Variants in CACUL1 observed in about 807,000 individuals in gnomAD.
CACUL1 encodes the protein CDK2-associated and cullin domain-containing protein 1.
Under a neutral mutation model 45.2 loss-of-function variants are expected in CACUL1, and 13 were observed. That is an observed-to-expected ratio of 0.29 (90% CI 0.19 to 0.46). The LOEUF (loss-of-function observed/expected upper bound fraction) is 0.46, where lower values mean the gene tolerates loss of function less well. Among genes scored for constraint, CACUL1 ranks in the 20% least tolerant of loss-of-function variants. The pLI is 1.00. For missense variants in CACUL1, 421 were observed against 471.4 expected (o/e 0.89, Z 0.99); for synonymous variants, 197 against 174.2 (o/e 1.13, Z -1.03).
chr10:118,692,827 G>A (rs745475411), intron 6 of CACUL1: 20 of 152,288 alleles, frequency 1.3e-4, no homozygotes, highest in Admixed American at 4.6e-4. Flanking sequence ...TTAATAAAAC[G>A]TCTAACAGGA....
At chr10:118,741,047 A>G (rs188700177) in intron 1 of CACUL1, among the ~76,000 whole-genome samples, 250 of 152,336 alleles carry the variant, frequency 1.6e-3, no homozygotes, top group African/African-American at 5.5e-3. Flanking sequence ...TAAATTAAGC[A>G]GTAACAATAT....
intron 3 of CACUL1, among the ~76,000 whole-genome samples, chr10:118,718,263 C>T (rs917638409): frequency 7.9e-5 from 12 of 152,130 alleles, no homozygotes; most frequent in Admixed American, 7.9e-4. Flanking sequence ...GCACAGGAAA[C>T]TTGCTTACTC....
At chr10:118,731,341 A>G (rs1845695954) in intron 1 of CACUL1, among the ~76,000 whole-genome samples, 1 of 152,214 alleles carries the variant, frequency 6.6e-6, no homozygotes, top group South Asian at 2.1e-4. Context: ...ACTGTCAGAG[A>G]TACCAGGTAA....
rs752559881 is a variant in CACUL1 at position 118,691,270 on chromosome 10, A to G, written c.1020T>C (p.Phe340=). The change falls in exon 7 of 9, where the codon TTT becomes TTC. Residue 340 remains phenylalanine, a synonymous_variant. Coordinates refer to ENST00000369151, the MANE Select transcript of CACUL1 (RefSeq NM_153810.5). ...KFQRELIQNG[F]TRGDQSRKRA... ...AGGAAAAAAAAACAACTTGCCTTGT[A>G]AAACCATTCTGTATAAGTTCTCTTT... The G allele has an allele frequency of 1.2e-6, 2 of 1,610,118 alleles. No individual in the cohort carries two copies. Among genetic ancestry groups the G allele is most frequent in the Non-Finnish European group, 1.7e-6 (2 of 1,178,742 alleles).
chr10:118,711,971 C>A (rs532263476), intron 3 of CACUL1, among the ~76,000 whole-genome samples: 46 of 152,146 alleles, frequency 3.0e-4, no homozygotes, highest in Non-Finnish European at 6.3e-4. Flanking sequence ...CACTCTAGGC[C>A]CCATTGGGGA....
chr10:118,728,743 A>G (rs1310678392), intron 3 of CACUL1, among the ~76,000 whole-genome samples: 2 of 152,154 alleles, frequency 1.3e-5, no homozygotes, highest in African/African-American at 4.8e-5. Context: ...CAAGCACTGA[A>G]GGTTTACTGA....
rs963017012 is a variant in CACUL1 at position 118,740,028 on chromosome 10, TC to T, written c.368-9619del. Among the ~76,000 whole-genome samples the T allele has an allele frequency of 3.2e-4, 49 of 152,180 alleles. 1 individual carries two copies. The highest frequency in any genetic ancestry group is 1.1e-3 in the African/African-American group (45 of 41,526). The stretch of plus-strand genomic sequence containing the variant: ...TGGGTGTGGTGGCATGCGCCTATAA[TC>T]CCAGCTACTCAGGAGACTGAGGTGG... On this transcript the variant is annotated intron_variant, in intron 1 of 8. Coordinates refer to ENST00000369151, the MANE Select transcript of CACUL1 (RefSeq NM_153810.5).
At chr10:118,686,725 T>C (rs1005115021) in intron 7 of CACUL1, 84 bp from the exon 8 acceptor site, 7 of 980,846 alleles carry the variant, frequency 7.1e-6, no homozygotes, top group African/African-American at 4.8e-5. Flanking sequence ...AATAAAAGTA[T>C]AGCAGACATT....
At chr10:118,740,053 G>T (rs1425628333) in intron 1 of CACUL1, among the ~76,000 whole-genome samples, 2 of 152,088 alleles carry the variant, frequency 1.3e-5, no homozygotes. Context: ...AGACTGAGGT[G>T]GGAGGATCGC....
intron 5 of CACUL1, among the ~76,000 whole-genome samples, chr10:118,699,888 T>A (rs1589604691): frequency 6.6e-6 from 1 of 152,056 alleles, no homozygotes; most frequent in African/African-American, 2.4e-5. Context: ...GACCTCGTGA[T>A]CCGCCGGCCT....
Position 118,726,431 on chromosome 10 carries a change from TAG to T in CACUL1, c.597+2862_597+2863del, listed in dbSNP as rs1229548127. On this transcript the variant is annotated intron_variant, in intron 3 of 8. Coordinates refer to ENST00000369151, the MANE Select transcript of CACUL1 (RefSeq NM_153810.5). The stretch of plus-strand genomic sequence containing the variant: ...ACTAAGGATAAAAAGACAAACACGA[TAG>T]AGTCCCTCCCCCTCAAGGAAGGGCC... The T allele has an allele frequency of 1.4e-5, 10 of 700,600 alleles. No homozygotes were observed. The African/African-American group carries it at 1.9e-4, about 13-fold the overall frequency. The allele number at this position is 700,600 out of a possible 1,614,324, so 43.4% of individuals were successfully genotyped here. A position where few individuals can be genotyped will look rare whatever the true frequency, so the allele number is the denominator to read the frequency against.
Position 118,754,666 on chromosome 10 carries a change from G to A in CACUL1, c.97C>T (p.Arg33Trp), listed in dbSNP as rs1201951219. ...NNWEAAVDGF[R>W]QPLPPPPPPS... Reference sequence around the variant, plus strand: ...GGCGGCGGAGGTGGCAGGGGCTGCCGGAAGCCGTCCACCGCAGCCTCCCAG... The same window carrying A: ...GGCGGCGGAGGTGGCAGGGGCTGCCAGAAGCCGTCCACCGCAGCCTCCCAG... The change falls in exon 1 of 9, where the codon CGG becomes TGG. Residue 33 changes from arginine (R) to tryptophan (W), a missense_variant. Transcript: ENST00000369151. The A allele has an allele frequency of 3.1e-6, 5 of 1,607,814 alleles. No homozygotes were observed. Among genetic ancestry groups the A allele is most frequent in the Non-Finnish European group, 4.2e-6 (5 of 1,177,674 alleles).
At chr10:118,750,025 C>G (rs1288390256) in intron 1 of CACUL1, among the ~76,000 whole-genome samples, 1 of 152,216 alleles carries the variant, frequency 6.6e-6, no homozygotes, top group East Asian at 1.9e-4. Context: ...ATGTCAAAGA[C>G]TTTAAAAATA....
At chr10:118,746,720 T>C (rs959252435) in intron 1 of CACUL1, among the ~76,000 whole-genome samples, 8 of 152,194 alleles carry the variant, frequency 5.3e-5, no homozygotes, top group African/African-American at 9.6e-5. Flanking sequence ...CCAAAATTTA[T>C]AGCGAATTCT....
chr10:118,701,269 C>G (rs970600204), intron 5 of CACUL1, 37 bp downstream of exon 5: 7 of 1,107,340 alleles, frequency 6.3e-6, no homozygotes, highest in East Asian at 2.4e-5. Flanking sequence ...AAGATCATTG[C>G]TAGTGTTATC....
intron 4 of CACUL1, among the ~76,000 whole-genome samples, chr10:118,705,310 T>C (rs11198567): frequency 0.56 from 85,436 of 152,000 alleles, 25,298 homozygotes; most frequent in Non-Finnish European, 0.67. Flanking sequence ...ATTAGCCATC[T>C]CTTTGAGACT....
Position 118,754,403 on chromosome 10 carries a change from G to C in CACUL1, c.360C>G (p.Ser120=), listed in dbSNP as rs1227062121. 6.4e-7 allele frequency: 1 copy of C among 1,562,936 alleles called. No individual in the cohort carries two copies. ...SSTININTST[S]KFLMNVITIE... Reference sequence around the variant, plus strand: ...GGGAAAGGCTGGACTCACAGAACTTGGAGGTGGAGGTGTTGATGTTGATGG... The same window carrying C: ...GGGAAAGGCTGGACTCACAGAACTTCGAGGTGGAGGTGTTGATGTTGATGG... The change falls in exon 1 of 9, where the codon TCC becomes TCG. Residue 120 remains serine (S), a synonymous_variant. Coordinates refer to ENST00000369151, the MANE Select transcript of CACUL1 (RefSeq NM_153810.5).
intron 3 of CACUL1, chr10:118,729,072 G>A (rs1166719879): frequency 4.4e-6 from 2 of 453,974 alleles, no homozygotes; most frequent in African/African-American, 2.1e-5. Flanking sequence ...ATCAGTTAAG[G>A]TCTGAAATAT....
At chr10:118,732,519 G>A (rs954588189) in intron 1 of CACUL1, among the ~76,000 whole-genome samples, 2 of 152,166 alleles carry the variant, frequency 1.3e-5, no homozygotes, top group African/African-American at 2.4e-5. Flanking sequence ...TGCGGGAGGA[G>A]CAGGTAAGAA....
Sources: gnomAD v4.1 joint callset for allele counts (sites outside exome capture counted in the v4.1 genomes callset) on GRCh38, gnomAD v4.1.1 for gene constraint, MANE v1.5 for transcripts, NCBI Gene and HGNC (gene_info 2026-07-23, HGNC 2026-07-21) for gene names.